Variants in FRMPD1 observed in about 807,000 individuals in gnomAD.
The protein encoded by FRMPD1 is FERM and PDZ domain-containing protein 1.
In FRMPD1, 76 loss-of-function variants were observed where a neutral mutation model predicts 117.8. The ratio of observed to expected loss-of-function variants is 0.65; its 90% CI spans 0.54 to 0.78. The LOEUF (loss-of-function observed/expected upper bound fraction) is 0.78, where lower values mean the gene tolerates loss of function less well. FRMPD1 is among the 30% of genes least tolerant of loss of function. FRMPD1 has a pLI of 0.00. For missense variants in FRMPD1, 1,786 were observed against 1,964.5 expected (o/e 0.91, Z 1.72); for synonymous variants, 783 against 770.4 (o/e 1.02, Z -0.27).
chr9:37,652,915 T>G (rs1368712812), intron 1 of FRMPD1, among the ~76,000 whole-genome samples: 1 of 152,076 alleles, frequency 6.6e-6, no homozygotes. Flanking sequence ...AGTGGAGATA[T>G]TGGAGAAGGC....
At chr9:37,695,006 A>AATAGATAGATAGATAGATAG (rs74171518) in intron 2 of FRMPD1, among the ~76,000 whole-genome samples, 4 of 150,812 alleles carry the variant, frequency 2.7e-5, no homozygotes, top group East Asian at 3.9e-4. Flanking sequence ...GCCAAATAAG[A>AATAGATAGATAGATAGATAG]ATAGATAGAT....
intron 1 of FRMPD1, among the ~76,000 whole-genome samples, chr9:37,658,205 C>G (rs1410996313): frequency 2.0e-5 from 3 of 152,088 alleles, no homozygotes; most frequent in African/African-American, 7.2e-5. Context: ...CAGACAGGAG[C>G]AAGCCCACTG....
chr9:37,708,483 G>GA lies in FRMPD1; in HGVS notation c.345dup (p.Ala116SerfsTer25). On this transcript the variant is annotated frameshift_variant, in exon 4 of 16. Coordinates refer to ENST00000377765, the MANE Select transcript of FRMPD1 (RefSeq NM_014907.3). LOFTEE classifies it high-confidence loss of function. ...CCTGCTGAAGACCTTTCCTGGGAAC[G>GA]AGCAGTCGATATTCTCAGGTACTAA... 1 of 1,600,792 alleles carries GA rather than the reference G, an allele frequency of 6.2e-7. No homozygotes were observed. Among genetic ancestry groups the GA allele is most frequent in the East Asian group, 2.2e-5 (1 of 44,832 alleles).
At chr9:37,626,500 CAAAAA>C in the FRMPD1 span, among the ~76,000 whole-genome samples, 3 of 87,270 alleles carry the variant, frequency 3.4e-5, no homozygotes, top group Admixed American at 1.3e-4. Context: ...GACTTAGTCT[CAAAAA>C]AAAAAAAAAA....
chr9:37,689,638 G>T (rs938551231), intron 1 of FRMPD1, among the ~76,000 whole-genome samples: 1 of 152,112 alleles, frequency 6.6e-6, no homozygotes, highest in African/African-American at 2.4e-5. Flanking sequence ...CTAATATGCT[G>T]GATCTCATTT....
At position 37,719,307 on chromosome 9, in the gene FRMPD1, G is replaced by T. The variant is rs1563947953; in HGVS notation, c.516+131G>T. 4.6e-6 allele frequency: 3 copies of T among 651,954 alleles called. No homozygotes were observed. The African/African-American group carries it at 5.3e-5, about 12-fold the overall frequency. The allele number at this position is 651,954 out of a possible 1,614,324, so 40.4% of individuals were successfully genotyped here. ...GTGCAGTGTGTTTGCAAGAGGCTTT[G>T]TGCGCCCTCCCAGTCAGATGCCTGC... On this transcript the variant is annotated intron_variant, in intron 6 of 15. Transcript: ENST00000377765.
upstream of FRMPD1, among the ~76,000 whole-genome samples, chr9:37,650,645 G>A (rs376310130): frequency 1.3e-5 from 2 of 152,140 alleles, no homozygotes; most frequent in African/African-American, 4.8e-5. Context: ...TGGTCCGGGT[G>A]ACCTTGGGGA....
At chr9:37,605,177 G>T in the FRMPD1 span, among the ~76,000 whole-genome samples, 4 of 152,210 alleles carry the variant, frequency 2.6e-5, no homozygotes, top group Non-Finnish European at 5.9e-5. Context: ...GGCTGGGAAG[G>T]TAATGGACTT....
chr9:37,651,820 C>T (rs1175044367), intron 1 of FRMPD1, among the ~76,000 whole-genome samples: 1 of 152,254 alleles, frequency 6.6e-6, no homozygotes, highest in Middle Eastern at 3.2e-3. Flanking sequence ...GTCGTGTTCA[C>T]TAGTTGTTCG....
rs183191450 is a variant in FRMPD1, at chr9:37,657,410, G to A, written c.-5+6316G>A. ...TTAAAGACGAGGATGGCATTTATTCGTTCTTATAAAAATAATTTATTTAGT... is the reference window on the plus strand; with the variant it reads ...TTAAAGACGAGGATGGCATTTATTCATTCTTATAAAAATAATTTATTTAGT... On this transcript the variant is annotated intron_variant, in intron 1 of 15. Coordinates refer to ENST00000377765, the MANE Select transcript of FRMPD1 (RefSeq NM_014907.3). 1.3e-3 allele frequency among the ~76,000 whole-genome samples: 203 copies of A among 152,288 alleles called. 1 individual carries two copies. Among genetic ancestry groups the A allele is most frequent in the Admixed American group, 3.9e-3 (59 of 15,300 alleles).
In FRMPD1 at chr9:37,740,730, G is replaced by T; in HGVS notation, c.2202G>T (p.Pro734=). 1 of 1,614,090 alleles carries T rather than the reference G, an allele frequency of 6.2e-7. No homozygotes were observed. The highest frequency in any genetic ancestry group is 8.5e-7 in the Non-Finnish European group (1 of 1,179,978). The change falls in exon 15 of 16, where the codon CCG becomes CCT. Residue 734 remains proline, a synonymous_variant. Transcript: ENST00000377765. This position sits in a 1 kb window ranked among gnomAD's most constrained non-coding sequence, Gnocchi z 4.2. ...CAGCTTCCCGGCAAGGGGGAGCCCC[G>T]CCAGCCTGGGGTCAGCAGGGCTGGA... is the stretch of plus-strand genomic sequence containing the variant. ...ESTASRQGGA[P]PAWGQQGWTE...
At chr9:37,725,823 A>T (rs887467096) in intron 7 of FRMPD1, among the ~76,000 whole-genome samples, 1 of 152,232 alleles carries the variant, frequency 6.6e-6, no homozygotes, top group Non-Finnish European at 1.5e-5. Flanking sequence ...CTAGCTCATA[A>T]CTGGCTTTGA....
At chr9:37,614,401 T>C in the FRMPD1 span, among the ~76,000 whole-genome samples, 1 of 152,232 alleles carries the variant, frequency 6.6e-6, no homozygotes, top group Admixed American at 6.5e-5. Context: ...GACTTATTCA[T>C]ATTCATCTGT....
At position 37,732,755 on chromosome 9, in the gene FRMPD1, C is replaced by T. The variant is rs751746; in HGVS notation, c.995+315C>T. Among the ~76,000 whole-genome samples the T allele has an allele frequency of 4.6e-3, 702 of 152,322 alleles. 7 individuals are homozygous for T. The highest frequency in any genetic ancestry group is 0.016 in the African/African-American group (658 of 41,568). On this transcript the variant is annotated intron_variant, in intron 10 of 15. Coordinates refer to ENST00000377765, the MANE Select transcript of FRMPD1 (RefSeq NM_014907.3). ...TAAGCTTTTCTAGGGGTGGGAATGC[C>T]TTGGAAGTTAATTTTTCCCGTGGAT...
At chr9:37,737,286 A>T (rs2296552) in intron 14 of FRMPD1, 43 bp downstream of exon 14, 2 of 1,601,364 alleles carry the variant, frequency 1.2e-6, no homozygotes, top group African/African-American at 2.7e-5. Context: ...GGCCCCTTTC[A>T]CTGGCCTTGT....
rs775883026 is a variant in FRMPD1 at position 37,719,173 on chromosome 9, C to T, written c.513C>T (p.Ser171=). ...AAGAAGTGCTCATCAGTGGACACAG[C>T]CAGGTGTGTCACTAGTCAAGGGATT... The part of the protein sequence containing the change: ...FAEEVLISGH[S]QGNSLLCMPN... Residue 171 remains serine (S), a synonymous_variant, in exon 6 of 16, where the codon AGC becomes AGT. Transcript: ENST00000377765. 1.3e-6 allele frequency: 2 copies of T among 1,584,888 alleles called. No homozygotes were observed. Among genetic ancestry groups the T allele is most frequent in the African/African-American group, 2.7e-5 (2 of 74,452 alleles).
chr9:37,655,083 G>T (rs1820799677), intron 1 of FRMPD1, among the ~76,000 whole-genome samples: 1 of 152,310 alleles, frequency 6.6e-6, no homozygotes, highest in East Asian at 1.9e-4. Flanking sequence ...AATACTGGCT[G>T]TGCCCGCTTG....
chr9:37,612,048 A>G, the FRMPD1 span, among the ~76,000 whole-genome samples: 1 of 152,298 alleles, frequency 6.6e-6, no homozygotes, highest in African/African-American at 2.4e-5. Flanking sequence ...CCTATGCAAA[A>G]TACACTTAAG....
At chr9:37,631,650 C>G in the FRMPD1 span, among the ~76,000 whole-genome samples, 1 of 152,208 alleles carries the variant, frequency 6.6e-6, no homozygotes, top group Non-Finnish European at 1.5e-5. Flanking sequence ...GTCACCCAGA[C>G]TACAGTGCAG....
Sources: allele counts gnomAD v4.1 joint callset (sites outside exome capture counted in the v4.1 genomes callset), GRCh38; gene constraint gnomAD v4.1.1; non-coding constraint Gnocchi (gnomAD v3.1); transcripts MANE v1.5; gene names NCBI Gene and HGNC (gene_info 2026-07-23, HGNC 2026-07-21).